VGLL3: variants seen among roughly 807,000 people sequenced by gnomAD.
The protein encoded by VGLL3 is transcription cofactor vestigial-like protein 3.
In VGLL3, 18 loss-of-function variants were observed where a neutral mutation model predicts 29.2. The observed-to-expected ratio is 0.62, with a 90% confidence interval of 0.43 to 0.91. VGLL3 has a LOEUF of 0.91. Among genes scored for constraint, VGLL3 ranks in the 40% least tolerant of loss-of-function variants. The probability of loss-of-function intolerance (pLI) is 0.00; values close to 1 mark genes in which losing one functional copy is unlikely to be tolerated. For synonymous variants in VGLL3, 180 were observed against 151.8 expected, an observed-to-expected ratio of 1.19 and a Z score of -1.36; for missense variants, 440 against 413.2, an observed-to-expected ratio of 1.06 and a Z score of -0.56.
At chr3:86,950,051 A>T (rs2106963260) in intron 3 of VGLL3, among the ~76,000 whole-genome samples, 1 of 152,024 alleles carries the variant, frequency 6.6e-6, no homozygotes, top group Middle Eastern at 3.4e-3. Context: ...AACAAAATCC[A>T]CTCTGCTACA....
chr3:86,957,756 G>A (rs1704752108), intron 3 of VGLL3, among the ~76,000 whole-genome samples: 1 of 152,112 alleles, frequency 6.6e-6, no homozygotes, highest in Non-Finnish European at 1.5e-5. Context: ...GTGAATTTGG[G>A]AGGGGGTAAT....
In VGLL3 at chr3:86,990,710, G is replaced by T. The variant is rs759598980; in HGVS notation, c.34C>A (p.Pro12Thr). 1 of 1,432,552 alleles carries T rather than the reference G, an allele frequency of 7.0e-7. No individual in the cohort carries two copies. Among genetic ancestry groups the T allele is most frequent in the Admixed American group, 2.8e-5 (1 of 35,380 alleles). 88.7% of individuals were successfully genotyped at this position (1,432,552 alleles called of 1,614,324 possible). Residue 12 changes from proline (P) to threonine (T), a missense_variant, in exon 1 of 4, where the codon CCT becomes ACT. Pro to Thr is a conservative substitution (Grantham distance 38). Transcript: ENST00000398399. Reference sequence around the variant, plus strand: ...GGCAGATACTGGGACGCTCCATAAGGCTGGGGGTGATACATCACCTCCGCA... The same window carrying T: ...GGCAGATACTGGGACGCTCCATAAGTCTGGGGGTGATACATCACCTCCGCA... ...SCAEVMYHPQ[P>T]YGASQYLPNP...
rs1340270495 is a variant in VGLL3 at position 86,946,931 on chromosome 3, G to A, written c.*93C>T. The A allele has an allele frequency of 6.7e-6, 5 of 750,932 alleles. No homozygotes were observed. The highest frequency in any genetic ancestry group is 1.8e-5 in the Admixed American group (1 of 55,242). The allele number at this position is 750,932 out of a possible 1,614,324, so 46.5% of individuals were successfully genotyped here. ...TTTGTCTTCTCCTTCTATGCCTTTC[G>A]TGTCCTATTGCTGAATGGAAAAACC... is the stretch of plus-strand genomic sequence containing the variant. On this transcript the variant is annotated 3_prime_UTR_variant, in exon 4 of 4. Transcript: ENST00000398399.
At chr3:86,960,959 ATATATATG>A (rs1559723981) in intron 3 of VGLL3, among the ~76,000 whole-genome samples, 1 of 144,038 alleles carries the variant, frequency 6.9e-6, no homozygotes. Flanking sequence ...ATATATATAT[ATATATATG>A]CATATGATGT....
Position 86,944,977 on chromosome 3 carries a change from C to A in VGLL3, c.*2047G>T, listed in dbSNP as rs1351351597. On this transcript the variant is annotated 3_prime_UTR_variant, in exon 4 of 4. Coordinates refer to ENST00000398399, the MANE Select transcript of VGLL3 (RefSeq NM_016206.4). Reference sequence around the variant, plus strand: ...CAAGGCAAATCCAGATTTATAAATTCACTAAATTTTGTGCTCCATGTATTT... The same window carrying A: ...CAAGGCAAATCCAGATTTATAAATTAACTAAATTTTGTGCTCCATGTATTT... 6.6e-6 allele frequency: 1 copy of A among 152,140 alleles called. No homozygotes were observed. The highest frequency in any genetic ancestry group is 1.5e-5 in the Non-Finnish European group (1 of 68,026). 9.4% of individuals were successfully genotyped at this position (152,140 alleles called of 1,614,324 possible).
At position 86,968,815 on chromosome 3, in the gene VGLL3, G is replaced by A; in HGVS notation, c.712C>T (p.His238Tyr). ...TGGTGATGATGGTGGCGGTGGCGGT[G>A]GTGCATGTGGGCATGAGGGTGGTGG... The part of the protein sequence containing the change: ...RHHHPHAHMH[H>Y]RHRHHHHHHH... Residue 238 changes from histidine (H) to tyrosine (Y), a missense_variant, in exon 3 of 4, where the codon CAC (histidine) becomes TAC (tyrosine). By Grantham distance (83) the His-to-Tyr change is moderately conservative. Transcript: ENST00000398399. The A allele has an allele frequency of 1.9e-6, 3 of 1,614,170 alleles. No individual in the cohort carries two copies. Among genetic ancestry groups the A allele is most frequent in the South Asian group, 2.2e-5 (2 of 91,078 alleles).
chr3:86,990,385 C>G (rs1014806447), intron 1 of VGLL3: 4 of 985,148 alleles, frequency 4.1e-6, no homozygotes, highest in African/African-American at 1.7e-5. Flanking sequence ...CCTCTGAGCT[C>G]CGGTGACCAC....
At chr3:86,947,632 G>A (rs146980558) in intron 3 of VGLL3, among the ~76,000 whole-genome samples, 4 of 152,248 alleles carry the variant, frequency 2.6e-5, no homozygotes, top group African/African-American at 9.6e-5. Context: ...ATAACTAACA[G>A]TCCAGACCTA....
intron 2 of VGLL3, among the ~76,000 whole-genome samples, chr3:86,970,514 CACACACAT>C (rs1375425070): frequency 6.9e-6 from 1 of 145,082 alleles, no homozygotes; most frequent in African/African-American, 2.7e-5. Flanking sequence ...CACACACACA[CACACACAT>C]ATGACAGCAG....
intron 2 of VGLL3, among the ~76,000 whole-genome samples, chr3:86,977,306 G>A (rs1286485194): frequency 6.6e-6 from 1 of 152,108 alleles, no homozygotes; most frequent in Non-Finnish European, 1.5e-5. Context: ...GGTCAAGTAG[G>A]TAAGAAAAGA....
At chr3:86,967,669 G>A (rs1704992552) in intron 3 of VGLL3, among the ~76,000 whole-genome samples, 1 of 152,154 alleles carries the variant, frequency 6.6e-6, no homozygotes, top group Non-Finnish European at 1.5e-5. Context: ...GTTCCAATGT[G>A]CCACAAAATG....
intron 3 of VGLL3, among the ~76,000 whole-genome samples, chr3:86,958,852 T>C (rs544859335): frequency 6.6e-6 from 1 of 152,310 alleles, no homozygotes; most frequent in South Asian, 2.1e-4. Flanking sequence ...AATCAAGAGT[T>C]TGTAAATATT....
chr3:86,988,798 A>G (rs1705515914), intron 1 of VGLL3, among the ~76,000 whole-genome samples: 1 of 151,830 alleles, frequency 6.6e-6, no homozygotes, highest in African/African-American at 2.4e-5. Context: ...AAAAGCCCAA[A>G]ATATAGAAGT....
At chr3:86,978,127 GTC>G (rs760653125) in intron 2 of VGLL3, among the ~76,000 whole-genome samples, 17 of 152,164 alleles carry the variant, frequency 1.1e-4, no homozygotes, top group Admixed American at 6.5e-4. Flanking sequence ...TCAGACTCAG[GTC>G]TCTGGTATGT....
At chr3:86,966,234 TA>T (rs1704956397) in intron 3 of VGLL3, among the ~76,000 whole-genome samples, 1 of 152,026 alleles carries the variant, frequency 6.6e-6, no homozygotes, top group Non-Finnish European at 1.5e-5. Flanking sequence ...CTCTAAGCTG[TA>T]TAACAAGGAA....
chr3:86,969,675 T>TTTTATTTATTTATTTATTTATTTATTTA (rs201595037), intron 2 of VGLL3, among the ~76,000 whole-genome samples: 1 of 145,412 alleles, frequency 6.9e-6, no homozygotes, highest in African/African-American at 2.5e-5. Flanking sequence ...TCCAACCTCA[T>TTTTATTTATTTATTTATTTATTTATTTA]TTTATTTATT....
At chr3:86,978,423 A>G in intron 2 of VGLL3, 103 bp downstream of exon 2, 1 of 1,301,452 alleles carries the variant, frequency 7.7e-7, no homozygotes, top group Non-Finnish European at 1.1e-6. Flanking sequence ...TTAAAAAGCA[A>G]GTGGATATCC....
In VGLL3 at chr3:86,940,753, A is replaced by T. The variant is rs939294445; in HGVS notation, c.*6271T>A. 1 of 152,062 alleles carries T rather than the reference A, an allele frequency of 6.6e-6. No homozygotes were observed. Among genetic ancestry groups the T allele is most frequent in the Non-Finnish European group, 1.5e-5 (1 of 67,940 alleles). 9.4% of individuals were successfully genotyped at this position (152,062 alleles called of 1,614,324 possible). On this transcript the variant is annotated 3_prime_UTR_variant, in exon 4 of 4. Transcript: ENST00000398399. ...TATGAGACCTGCATTTGAAGAGTGA[A>T]TAGAAATAAGAAAATGTTTTCCCAA... is the stretch of plus-strand genomic sequence containing the variant.
intron 2 of VGLL3, among the ~76,000 whole-genome samples, chr3:86,973,072 AAC>A (rs370812575): frequency 4.1e-5 from 6 of 148,076 alleles, no homozygotes; most frequent in East Asian, 2.0e-4. Flanking sequence ...TCTTAAAAAA[AAC>A]ACACACACAC....
Sources: gnomAD v4.1 joint callset for allele counts (sites outside exome capture counted in the v4.1 genomes callset) on GRCh38, gnomAD v4.1.1 for gene constraint, MANE v1.5 for transcripts, NCBI Gene and HGNC (gene_info 2026-07-23, HGNC 2026-07-21) for gene names.